The following CNTN5 variants were observed in gnomAD, a reference collection of about 807,000 sequenced individuals.
CNTN5 encodes the protein contactin-5.
Under a neutral mutation model 129.1 loss-of-function variants are expected in CNTN5, and 77 were observed. The observed-to-expected ratio is 0.60, with a 90% CI of 0.50 to 0.72. CNTN5 has a LOEUF of 0.72. Ranked by LOEUF, CNTN5 falls within the 30% of genes least tolerant of loss-of-function variation. CNTN5 has a pLI of 0.00. For missense variants in CNTN5, 1,478 were observed against 1,328.8 expected, an observed-to-expected ratio of 1.11 and a Z score of -1.75; for synonymous variants, 509 against 465.6, an observed-to-expected ratio of 1.09 and a Z score of -1.20.
intron 3 of CNTN5, among the ~76,000 whole-genome samples, chr11:99,704,463 A>C (rs1185874949): frequency 1.3e-5 from 2 of 151,198 alleles, no homozygotes; most frequent in African/African-American, 2.4e-5. Flanking sequence ...CAAAAACCAA[A>C]CAAATTGAGC....
rs749779600 is a variant in CNTN5 at position 100,070,417 on chromosome 11, C to T, written c.1163-7C>T. On this transcript the variant is annotated splice_region_variant and splice_polypyrimidine_tract_variant and intron_variant, in intron 10 of 24. Coordinates refer to ENST00000524871, the MANE Select transcript of CNTN5 (RefSeq NM_014361.4). ...ATCATCCTTGTTTACTGCTTACATA[C>T]TTACAGCCTACCCACACTGGGTAGA... The T allele has an allele frequency of 1.6e-5, 26 of 1,610,500 alleles. No homozygotes were observed. The Middle Eastern group carries it at 5.1e-4, about 32-fold the overall frequency.
At chr11:100,299,088 T>A (rs1951162829) in intron 19 of CNTN5, 74 bp from the exon 20 acceptor site, 5 of 984,956 alleles carry the variant, frequency 5.1e-6, no homozygotes, top group East Asian at 2.7e-5. Flanking sequence ...TAATTTTTTT[T>A]AATTAAGAAT....
At chr11:99,864,772 G>T (rs1591331745) in intron 6 of CNTN5, among the ~76,000 whole-genome samples, 1 of 152,124 alleles carries the variant, frequency 6.6e-6, no homozygotes, top group African/African-American at 2.4e-5. Flanking sequence ...TTAGCAAACC[G>T]ATGGAAAAAG....
At chr11:99,468,617 T>C (rs751826687) in intron 2 of CNTN5, among the ~76,000 whole-genome samples, 1 of 151,138 alleles carries the variant, frequency 6.6e-6, no homozygotes, top group Non-Finnish European at 1.5e-5. Flanking sequence ...TCTTCCAAGT[T>C]ATATGTTAAG....
chr11:99,621,903 T>A (rs1050056076), intron 3 of CNTN5, among the ~76,000 whole-genome samples: 1 of 152,192 alleles, frequency 6.6e-6, no homozygotes, highest in Non-Finnish European at 1.5e-5. Flanking sequence ...TAAGCAGAAA[T>A]GTTGACCACA....
chr11:100,177,620 C>G (rs1400555911), intron 13 of CNTN5, among the ~76,000 whole-genome samples: 1 of 152,124 alleles, frequency 6.6e-6, no homozygotes, highest in East Asian at 1.9e-4. Flanking sequence ...CCACTTTCAC[C>G]TGAAAGGTGT....
intron 8 of CNTN5, among the ~76,000 whole-genome samples, chr11:99,974,470 C>A (rs534807758): frequency 6.6e-6 from 1 of 152,238 alleles, no homozygotes; most frequent in Admixed American, 6.5e-5. Context: ...TACCAGAAAT[C>A]AAATTTAAAG....
chr11:99,983,500 A>G (rs969750536), intron 8 of CNTN5, among the ~76,000 whole-genome samples: 1 of 132,412 alleles, frequency 7.6e-6, no homozygotes, highest in Non-Finnish European at 1.7e-5. Context: ...TCCTTTAATT[A>G]GTATTGAAAA....
At chr11:99,525,484 A>T (rs376290912) in intron 2 of CNTN5, among the ~76,000 whole-genome samples, 1 of 152,364 alleles carries the variant, frequency 6.6e-6, no homozygotes, top group African/African-American at 2.4e-5. Flanking sequence ...CATTGTCCAG[A>T]TAAGTAGTAT....
At position 99,764,534 on chromosome 11, in the gene CNTN5, G is replaced by A. The variant is rs116709672; in HGVS notation, c.56-55010G>A. On this transcript the variant is annotated intron_variant, in intron 3 of 24. Transcript: ENST00000524871. ...AGATTCAAGGGATTCTCCTGCCTCC[G>A]CCTTCCCAAGTAGCTGGGATTATAG... 3.3e-3 allele frequency among the ~76,000 whole-genome samples: 495 copies of A among 152,004 alleles called. 3 individuals are homozygous for A. The highest frequency in any genetic ancestry group is 0.011 in the African/African-American group (462 of 41,462).
chr11:100,221,943 T>G (rs1260256607), intron 15 of CNTN5, among the ~76,000 whole-genome samples: 6 of 152,178 alleles, frequency 3.9e-5, no homozygotes, highest in Non-Finnish European at 7.4e-5. Context: ...TCATTAAAAG[T>G]GCACTAAATT....
chr11:99,964,257 T>A, intron 8 of CNTN5, among the ~76,000 whole-genome samples: 1 of 152,184 alleles, frequency 6.6e-6, no homozygotes, highest in African/African-American at 2.4e-5. Context: ...AAGGGAATGC[T>A]TCCAGTTTTT....
In CNTN5 at chr11:99,629,718, T is replaced by A. The variant is rs1951269688; in HGVS notation, c.55+73449T>A. Among the ~76,000 whole-genome samples, 3 of 152,020 alleles carry A rather than the reference T, an allele frequency of 2.0e-5. 1 individual carries two copies. The South Asian group carries it at 6.2e-4, about 32-fold the overall frequency. ...TGTAAATATTCTGATGACACAATTA[T>A]ACAGAGCCTATTGCTAGGTTCCGTA... On this transcript the variant is annotated intron_variant, in intron 3 of 24. Coordinates refer to ENST00000524871, the MANE Select transcript of CNTN5 (RefSeq NM_014361.4).
chr11:99,469,708 T>G (rs978158019), intron 2 of CNTN5, among the ~76,000 whole-genome samples: 10 of 152,126 alleles, frequency 6.6e-5, no homozygotes, highest in Non-Finnish European at 1.5e-5. Flanking sequence ...GTTTTGTCTG[T>G]CTATGGTTTT....
intron 3 of CNTN5, among the ~76,000 whole-genome samples, chr11:99,659,766 A>G (rs1341116543): frequency 2.6e-5 from 4 of 152,206 alleles, no homozygotes; most frequent in Admixed American, 6.5e-5. Flanking sequence ...GTCAAAGTCT[A>G]TGGATCCTAA....
chr11:99,640,475 A>G (rs1951731192), intron 3 of CNTN5, among the ~76,000 whole-genome samples: 1 of 152,190 alleles, frequency 6.6e-6, no homozygotes. Context: ...ATAGCAAGGG[A>G]AAGACCAGCC....
chr11:99,761,312 T>C (rs1944573357), intron 3 of CNTN5, among the ~76,000 whole-genome samples: 2 of 152,216 alleles, frequency 1.3e-5, no homozygotes, highest in Middle Eastern at 3.4e-3. Context: ...CGTGTGCACA[T>C]TGTGCAGGTT....
intron 1 of CNTN5, among the ~76,000 whole-genome samples, chr11:99,054,740 C>T (rs1367255937): frequency 6.6e-6 from 1 of 151,568 alleles, no homozygotes; most frequent in Non-Finnish European, 1.5e-5. Flanking sequence ...TCAGAGATCC[C>T]CAAGTAGAAG....
At chr11:100,132,336 T>C (rs1287934304) in intron 13 of CNTN5, among the ~76,000 whole-genome samples, 1 of 152,106 alleles carries the variant, frequency 6.6e-6, no homozygotes, top group Non-Finnish European at 1.5e-5. Context: ...ATAATGGATG[T>C]AATGCATCTC....
Sources: allele counts gnomAD v4.1 joint callset (sites outside exome capture counted in the v4.1 genomes callset), GRCh38; gene constraint gnomAD v4.1.1; transcripts MANE v1.5; gene names NCBI Gene and HGNC (gene_info 2026-07-23, HGNC 2026-07-21).